The following DNAH14 variants were observed in gnomAD, a reference collection of about 807,000 sequenced individuals.
DNAH14 encodes the protein axonemal beta dynein heavy chain 14.
In DNAH14, 478 loss-of-function variants were observed where a neutral mutation model predicts 520.9. The observed-to-expected ratio is 0.92, with a 90% CI of 0.85 to 0.99. The LOEUF (loss-of-function observed/expected upper bound fraction) is 0.99, where lower values mean the gene tolerates loss of function less well. Among genes scored for constraint, DNAH14 ranks in the 50% least tolerant of loss-of-function variants. DNAH14 has a pLI of 0.00. For synonymous variants in DNAH14, 1,581 were observed against 1,757.2 expected (o/e 0.90, Z 2.51); for missense variants, 4,831 against 5,234.5 (o/e 0.92, Z 2.38).
chr1:225,072,448 T>C (rs2071654383), intron 17 of DNAH14, among the ~76,000 whole-genome samples: 1 of 152,198 alleles, frequency 6.6e-6, no homozygotes, highest in Non-Finnish European at 1.5e-5. Context: ...TGTTTTAAGA[T>C]GATTTTTAGC....
At chr1:225,379,048 T>A (rs900838135) in intron 79 of DNAH14, among the ~76,000 whole-genome samples, 1 of 152,056 alleles carries the variant, frequency 6.6e-6, no homozygotes, top group African/African-American at 2.4e-5. Flanking sequence ...TCCAAAGAGC[T>A]CTTCCAGCTC....
At chr1:225,172,275 G>C (rs2082777848) in intron 36 of DNAH14, among the ~76,000 whole-genome samples, 1 of 152,116 alleles carries the variant, frequency 6.6e-6, no homozygotes, top group Admixed American at 6.6e-5. Context: ...TAATCAGGCA[G>C]GAGAAGGAAA....
At chr1:225,149,623 A>G (rs572265295) in intron 31 of DNAH14, among the ~76,000 whole-genome samples, 1 of 152,072 alleles carries the variant, frequency 6.6e-6, no homozygotes, top group South Asian at 2.1e-4. Context: ...CTTAGGAGAG[A>G]TCTTTCATCT....
At chr1:225,392,002 G>A (rs2095920960) in intron 83 of DNAH14, among the ~76,000 whole-genome samples, 1 of 152,108 alleles carries the variant, frequency 6.6e-6, no homozygotes, top group Non-Finnish European at 1.5e-5. Context: ...GAAATGGAGA[G>A]GGTCTCAGAA....
At chr1:225,066,978 T>A (rs1327041858) in intron 17 of DNAH14, among the ~76,000 whole-genome samples, 1 of 152,110 alleles carries the variant, frequency 6.6e-6, no homozygotes, top group African/African-American at 2.4e-5. Flanking sequence ...TGTCTTTTTT[T>A]ACTTTTAAGT....
chr1:225,077,129 A>G (rs969096521), intron 17 of DNAH14, among the ~76,000 whole-genome samples: 3 of 152,234 alleles, frequency 2.0e-5, no homozygotes, highest in South Asian at 2.1e-4. Context: ...TTTTTATTAT[A>G]AATGAATTTT....
chr1:225,339,735 A>G (rs2095139707), intron 68 of DNAH14, among the ~76,000 whole-genome samples: 1 of 152,164 alleles, frequency 6.6e-6, no homozygotes, highest in Non-Finnish European at 1.5e-5. Context: ...GCCATGTGAT[A>G]TGGGCAATTT....
rs1296853648 is a variant in DNAH14 at position 225,300,949 on chromosome 1, T to G, written c.8550T>G (p.Ser2850=). 2 of 1,551,364 alleles carry G rather than the reference T, an allele frequency of 1.3e-6. No homozygotes were observed. Among genetic ancestry groups the G allele is most frequent in the Non-Finnish European group, 1.7e-6 (2 of 1,146,892 alleles). Residue 2850 remains serine, a synonymous_variant, in exon 56 of 86, where the codon TCT becomes TCG. Coordinates refer to ENST00000682510, the MANE Select transcript of DNAH14 (RefSeq NM_001367479.1). ...TGTTTGAAAATGTTGAGCTGGATTC[T>G]ATTGCAATGAAAATCAGATATCTTA... ...PDLFENVELD[S]IAMKIRYLTE...
intron 26 of DNAH14, among the ~76,000 whole-genome samples, chr1:225,121,033 G>A (rs1185240396): frequency 6.6e-6 from 1 of 152,046 alleles, no homozygotes; most frequent in Non-Finnish European, 1.5e-5. Context: ...TGACCATAAT[G>A]CATAGGTTTC....
intron 1 of DNAH14, among the ~76,000 whole-genome samples, chr1:224,931,920 G>C (rs1159691351): frequency 6.6e-6 from 1 of 152,158 alleles, no homozygotes; most frequent in Non-Finnish European, 1.5e-5. Context: ...AAATGTGTGA[G>C]TGCAGGTATT....
intron 36 of DNAH14, among the ~76,000 whole-genome samples, chr1:225,178,214 G>T (rs1274321181): frequency 6.6e-6 from 1 of 152,156 alleles, no homozygotes; most frequent in Non-Finnish European, 1.5e-5. Context: ...CTATGTATTA[G>T]TCTGTTTTCC....
chr1:225,334,908 G>GTATA (rs1553333943), intron 66 of DNAH14, among the ~76,000 whole-genome samples: 2 of 146,376 alleles, frequency 1.4e-5, no homozygotes, highest in Non-Finnish European at 3.0e-5. Context: ...GTGTGTGTGT[G>GTATA]TATATGTATA....
chr1:225,118,899 A>AAG (rs2077079242), intron 25 of DNAH14, among the ~76,000 whole-genome samples: 1 of 151,726 alleles, frequency 6.6e-6, no homozygotes, highest in African/African-American at 2.4e-5. Flanking sequence ...AAAAAAAAAA[A>AAG]AAAAAGAAAA....
intron 8 of DNAH14, among the ~76,000 whole-genome samples, chr1:224,999,697 G>T (rs1012177361): frequency 4.0e-5 from 6 of 151,578 alleles, no homozygotes; most frequent in Admixed American, 3.9e-4. Context: ...ATTCCATTTT[G>T]ATTTATCTAT....
chr1:225,144,697 T>A, intron 29 of DNAH14, 69 bp downstream of exon 29: 2 of 1,231,672 alleles, frequency 1.6e-6, no homozygotes, highest in Non-Finnish European at 2.3e-6. Flanking sequence ...GATGTTATCT[T>A]AAATTTACAC....
At chr1:225,350,358 T>A (rs1405494486) in intron 71 of DNAH14, among the ~76,000 whole-genome samples, 1 of 151,396 alleles carries the variant, frequency 6.6e-6, no homozygotes, top group African/African-American at 2.4e-5. Flanking sequence ...CTCAAGAAAC[T>A]AGAAAAACAA....
At chr1:224,955,850 C>G (rs993775912) in intron 3 of DNAH14, among the ~76,000 whole-genome samples, 1 of 152,056 alleles carries the variant, frequency 6.6e-6, no homozygotes, top group Non-Finnish European at 1.5e-5. Flanking sequence ...CCAGAAGCAT[C>G]TTTAGTTCTG....
chr1:224,997,941 G>T (rs2063504024), intron 8 of DNAH14, among the ~76,000 whole-genome samples: 1 of 152,062 alleles, frequency 6.6e-6, no homozygotes. Flanking sequence ...AGAACACATG[G>T]ACAGAGGAAT....
chr1:225,258,453 T>G (rs901002629), intron 45 of DNAH14, among the ~76,000 whole-genome samples: 3 of 152,206 alleles, frequency 2.0e-5, no homozygotes, highest in Non-Finnish European at 4.4e-5. Flanking sequence ...ATGTACACAT[T>G]CAATGGGATT....
Sources: gnomAD v4.1 joint callset for allele counts (sites outside exome capture counted in the v4.1 genomes callset) on GRCh38, gnomAD v4.1.1 for gene constraint, MANE v1.5 for transcripts, NCBI Gene and HGNC (gene_info 2026-07-23, HGNC 2026-07-21) for gene names.